The following CD1B variants were observed in gnomAD, a reference collection of about 807,000 sequenced individuals.
CD1B encodes T-cell surface glycoprotein CD1b.
CD1B carries 43 observed loss-of-function variants against 39.8 expected under a neutral mutation model. That is an observed-to-expected ratio of 1.08 (90% CI 0.85 to 1.39). The LOEUF (loss-of-function observed/expected upper bound fraction) is 1.39, where lower values mean the gene tolerates loss of function less well. CD1B is among the 40% of genes most tolerant of loss of function. The pLI is 0.00. For missense variants in CD1B, 495 were observed against 403.8 expected (o/e 1.23, Z -1.94); for synonymous variants, 192 against 152.5 (o/e 1.26, Z -1.91).
chr1:158,329,068 T>C, intron 4 of CD1B, 54 bp from the exon 5 acceptor site: 1 of 1,418,734 alleles, frequency 7.0e-7, no homozygotes, highest in East Asian at 2.3e-5. Context: ...TACACAGAAT[T>C]CCTTGGCCTT....
At chr1:158,299,491 C>A in the CD1B span, among the ~76,000 whole-genome samples, 1 of 151,402 alleles carries the variant, frequency 6.6e-6, no homozygotes, top group East Asian at 1.9e-4. Context: ...CAGGATTATG[C>A]TGGCCTCAAA....
the CD1B span, chr1:158,293,655 T>A: frequency 6.9e-7 from 1 of 1,442,082 alleles, no homozygotes; most frequent in Middle Eastern, 1.7e-4. Context: ...TCTCCACTTT[T>A]TATATAGCAC....
chr1:158,313,975 T>C, the CD1B span, among the ~76,000 whole-genome samples: 6 of 152,278 alleles, frequency 3.9e-5, no homozygotes, highest in East Asian at 7.7e-4. Context: ...TGGTCTCTTA[T>C]GGTCCTTTGT....
At chr1:158,307,378 A>T in the CD1B span, among the ~76,000 whole-genome samples, 1 of 152,308 alleles carries the variant, frequency 6.6e-6, no homozygotes, top group African/African-American at 2.4e-5. Context: ...CCCAAGACTA[A>T]ATCAGGAAGA....
intron 2 of CD1B, 59 bp downstream of exon 2, chr1:158,330,737 C>G (rs752234520): frequency 3.5e-5 from 54 of 1,563,520 alleles, no homozygotes; most frequent in Non-Finnish European, 4.8e-5. Context: ...CAACACTTTG[C>G]AAAAAAGAGA....
chr1:158,317,059 G>T, the CD1B span, among the ~76,000 whole-genome samples: 1 of 151,608 alleles, frequency 6.6e-6, no homozygotes, highest in African/African-American at 2.4e-5. Context: ...ATTTGGTTTG[G>T]CAGTATTTTA....
the CD1B span, among the ~76,000 whole-genome samples, chr1:158,311,024 C>A: frequency 1.6e-4 from 24 of 152,116 alleles, no homozygotes; most frequent in Non-Finnish European, 2.2e-4. Flanking sequence ...ACCCATGTAA[C>A]AAACCTTCAA....
the CD1B span, chr1:158,292,073 C>T: frequency 1.2e-6 from 2 of 1,601,690 alleles, no homozygotes; most frequent in African/African-American, 1.3e-5. Flanking sequence ...CTCATTCCTC[C>T]CTTCCTCCAG....
the CD1B span, chr1:158,291,003 GA>G: frequency 1.0e-6 from 1 of 974,670 alleles, no homozygotes; most frequent in Non-Finnish European, 1.5e-6. Flanking sequence ...TCTGTGTAAG[GA>G]AAATGGTATA....
At chr1:158,321,307 C>T in the CD1B span, among the ~76,000 whole-genome samples, 3 of 152,036 alleles carry the variant, frequency 2.0e-5, no homozygotes, top group South Asian at 2.1e-4. Flanking sequence ...TCTATTATGT[C>T]TGATATAAGT....
At chr1:158,294,530 G>A in the CD1B span, among the ~76,000 whole-genome samples, 342 of 152,204 alleles carry the variant, frequency 2.2e-3, 2 homozygotes, top group African/African-American at 8.0e-3. Context: ...TTTTATTGAT[G>A]TATAATTTAT....
At chr1:158,299,845 T>G in the CD1B span, among the ~76,000 whole-genome samples, 2 of 152,206 alleles carry the variant, frequency 1.3e-5, no homozygotes, top group South Asian at 2.1e-4. Flanking sequence ...CCCTTTATCA[T>G]TTTTTATTGT....
Position 158,328,987 on chromosome 1 carries a change from A to G in CD1B, c.914T>C (p.Val305Ala). ...CAAGGAAGGCACTATTATTGCCAAA[A>G]CAATTGAGCCAATGGAGGTGGGGTT... ...WRNPTSIGSI[V>A]LAIIVPSLLL... The change falls in exon 5 of 6, where the codon GTT (valine) becomes GCT (alanine). Residue 305 changes from valine (V) to alanine (A), a missense_variant. Coordinates refer to ENST00000368168, the MANE Select transcript of CD1B (RefSeq NM_001764.3). The G allele has an allele frequency of 6.2e-7, 1 of 1,614,022 alleles. No individual in the cohort carries two copies. The highest frequency in any genetic ancestry group is 1.3e-5 in the African/African-American group (1 of 75,026).
At chr1:158,321,396 T>C in the CD1B span, among the ~76,000 whole-genome samples, 6 of 152,252 alleles carry the variant, frequency 3.9e-5, no homozygotes, top group Non-Finnish European at 8.8e-5. Flanking sequence ...TCTATTTGTG[T>C]TCTTCTGCGT....
the CD1B span, among the ~76,000 whole-genome samples, chr1:158,309,470 C>G: frequency 1.3e-5 from 2 of 152,288 alleles, no homozygotes; most frequent in Admixed American, 1.3e-4. Context: ...ACCCAGCCAT[C>G]CCATTACTGG....
At chr1:158,320,607 A>C in the CD1B span, among the ~76,000 whole-genome samples, 2 of 152,170 alleles carry the variant, frequency 1.3e-5, no homozygotes, top group East Asian at 3.9e-4. Context: ...AAATGCAGAA[A>C]TCACCCATCT....
the CD1B span, among the ~76,000 whole-genome samples, chr1:158,300,024 G>A: frequency 1.8e-4 from 27 of 151,610 alleles, no homozygotes; most frequent in African/African-American, 3.6e-4. Flanking sequence ...TCTTGTCTTC[G>A]GCTAGCTTTT....
At chr1:158,314,327 C>T in the CD1B span, among the ~76,000 whole-genome samples, 1 of 152,186 alleles carries the variant, frequency 6.6e-6, no homozygotes, top group Admixed American at 6.5e-5. Context: ...AGTGATCCAC[C>T]CTCCTCGGCC....
chr1:158,330,976 A>G lies in CD1B; in HGVS notation c.148T>C (p.Leu50=). The G allele has an allele frequency of 1.2e-6, 2 of 1,614,124 alleles. No individual in the cohort carries two copies. The highest frequency in any genetic ancestry group is 1.6e-4 in the Middle Eastern group (1 of 6,062). ...CAGCCATGAATCTGCAAATCATCCAACCAGCCTGAGCCTTGAGTTTGTGCC... is the reference window on the plus strand; with the variant it reads ...CAGCCATGAATCTGCAAATCATCCAGCCAGCCTGAGCCTTGAGTTTGTGCC... ...TWAQTQGSGW[L]DDLQIHGWDS... The change falls in exon 2 of 6, where the codon TTG becomes CTG. Residue 50 remains leucine, a synonymous_variant. Transcript: ENST00000368168.
Sources: allele counts gnomAD v4.1 joint callset (sites outside exome capture counted in the v4.1 genomes callset), GRCh38; gene constraint gnomAD v4.1.1; transcripts MANE v1.5; gene names NCBI Gene and HGNC (gene_info 2026-07-23, HGNC 2026-07-21).